Variants in KCNQ1 observed in about 807,000 individuals in gnomAD.
The protein encoded by KCNQ1 is potassium voltage-gated channel subfamily KQT member 1.
A neutral mutation model predicts 72.4 loss-of-function variants in KCNQ1; 49 were observed. The observed-to-expected ratio is 0.68, with a 90% confidence interval of 0.54 to 0.86. The LOEUF (loss-of-function observed/expected upper bound fraction) is 0.86. KCNQ1 is among the 40% of genes least tolerant of loss of function. KCNQ1 has a pLI of 0.00. For synonymous variants in KCNQ1, 450 were observed against 412.6 expected (o/e 1.09, Z -1.10); for missense variants, 790 against 945.1 (o/e 0.84, Z 2.15).
intron 15 of KCNQ1, among the ~76,000 whole-genome samples, chr11:2,790,486 C>G (rs541337992): frequency 6.6e-6 from 1 of 152,332 alleles, no homozygotes; most frequent in East Asian, 1.9e-4. Context: ...CCCATCCACA[C>G]CCAGCATCCA....
At chr11:2,455,780 C>G (rs963530302) in intron 1 of KCNQ1, among the ~76,000 whole-genome samples, 16 of 152,232 alleles carry the variant, frequency 1.1e-4, no homozygotes, top group Admixed American at 2.6e-4. Flanking sequence ...AGAGGCATCA[C>G]ATTACCTGAC....
rs1256647010 is a variant in KCNQ1 at position 2,471,495 on chromosome 11, C to A, written c.386+26011C>A. 6.6e-6 allele frequency among the ~76,000 whole-genome samples: 1 copy of A among 152,246 alleles called. No homozygotes were observed. Among genetic ancestry groups the A allele is most frequent in the Non-Finnish European group, 1.5e-5 (1 of 68,050 alleles). ...CCCACACACCACCAGGTCCCCAGGACTTGGAGGATGCTGATGGCCCAGCTC... is the reference window on the plus strand; with the variant it reads ...CCCACACACCACCAGGTCCCCAGGAATTGGAGGATGCTGATGGCCCAGCTC... On this transcript the variant is annotated intron_variant, in intron 1 of 15. Transcript: ENST00000155840. The surrounding 1 kb of genome is among the most constrained non-coding windows in gnomAD (Gnocchi z 4.8).
chr11:2,489,303 A>G (rs1351906542), intron 1 of KCNQ1, among the ~76,000 whole-genome samples: 7 of 152,192 alleles, frequency 4.6e-5, no homozygotes, highest in African/African-American at 1.7e-4. Flanking sequence ...TGCCACAGAA[A>G]GCAGAACCAG....
Position 2,698,963 on chromosome 11 carries a change from G to A in KCNQ1, c.1514+36882G>A. 2 of 398,580 alleles carry A rather than the reference G, an allele frequency of 5.0e-6. No homozygotes were observed. Among genetic ancestry groups the A allele is most frequent in the Non-Finnish European group, 8.8e-6 (2 of 226,068 alleles). The allele number at this position is 398,580 out of a possible 1,614,324, so 24.7% of individuals were successfully genotyped here. A position where few individuals can be genotyped will look rare whatever the true frequency, so the allele number is the denominator to read the frequency against. The stretch of plus-strand genomic sequence containing the variant: ...GATCCCAACTAGGATACCTAACTCA[G>A]AACCACAACGGGGATTCCCACCTCC... On this transcript the variant is annotated intron_variant, in intron 11 of 15. Transcript: ENST00000155840. The surrounding 1 kb of genome is among the most constrained non-coding windows in gnomAD (Gnocchi z 5.1).
chr11:2,547,194 C>G lies in KCNQ1; in HGVS notation c.477+19176C>G, dbSNP rs1339822077. ...TTCTTTACAATATGTGTATTATTTT[C>G]TTTTAAAAACATTTGGGTAATTAGG... On this transcript the variant is annotated intron_variant, in intron 2 of 15. Coordinates refer to ENST00000155840, the MANE Select transcript of KCNQ1 (RefSeq NM_000218.3). This position sits in a 1 kb window ranked among gnomAD's most constrained non-coding sequence, Gnocchi z 4.2. Among the ~76,000 whole-genome samples the G allele has an allele frequency of 6.6e-6, 1 of 152,100 alleles. No individual in the cohort carries two copies. Among genetic ancestry groups the G allele is most frequent in the Admixed American group, 6.5e-5 (1 of 15,278 alleles).
intron 15 of KCNQ1, among the ~76,000 whole-genome samples, chr11:2,806,853 G>A (rs1271149120): frequency 2.0e-5 from 3 of 152,166 alleles, no homozygotes; most frequent in Non-Finnish European, 2.9e-5. Context: ...CTTGCGTGCT[G>A]GCTCCGGTGA....
chr11:2,749,519 CCGAG>C (rs1846190128), intron 11 of KCNQ1, among the ~76,000 whole-genome samples: 1 of 151,970 alleles, frequency 6.6e-6, no homozygotes, highest in Non-Finnish European at 1.5e-5. Flanking sequence ...TTTAAAAGCA[CCGAG>C]GCTTGGCCGG....
Position 2,477,363 on chromosome 11 carries a change from C to G in KCNQ1, c.386+31879C>G, listed in dbSNP as rs919353843. Among the ~76,000 whole-genome samples the G allele has an allele frequency of 4.6e-5, 7 of 152,176 alleles. No homozygotes were observed. Among genetic ancestry groups the G allele is most frequent in the African/African-American group, 1.7e-4 (7 of 41,434 alleles). On this transcript the variant is annotated intron_variant, in intron 1 of 15. Coordinates refer to ENST00000155840, the MANE Select transcript of KCNQ1 (RefSeq NM_000218.3). The surrounding 1 kb of genome is among the most constrained non-coding windows in gnomAD (Gnocchi z 5.0). The stretch of plus-strand genomic sequence containing the variant: ...CATCAAAAAGTTTTTTCTGGAAAAG[C>G]CTCCAGCCCACGGTGACCTAGGTTC...
chr11:2,640,156 A>T (rs907412687), intron 10 of KCNQ1: 7 of 366,744 alleles, frequency 1.9e-5, no homozygotes, highest in Non-Finnish European at 3.4e-5. Context: ...TGTGCTTCCC[A>T]GGTGAGGCGA....
intron 2 of KCNQ1, among the ~76,000 whole-genome samples, chr11:2,548,440 C>A (rs1350552981): frequency 6.6e-6 from 1 of 152,172 alleles, no homozygotes. Context: ...GATTTCATAG[C>A]GAACAAAGAA....
chr11:2,760,089 A>G (rs957634763), intron 11 of KCNQ1, among the ~76,000 whole-genome samples: 1 of 152,178 alleles, frequency 6.6e-6, no homozygotes, highest in Admixed American at 6.5e-5. Flanking sequence ...ACGTGTGTTG[A>G]ATGTGGCGCT....
intron 1 of KCNQ1, among the ~76,000 whole-genome samples, chr11:2,467,961 G>A (rs574364730): frequency 2.0e-5 from 3 of 152,356 alleles, no homozygotes; most frequent in African/African-American, 7.2e-5. Flanking sequence ...CCCAGCGTGG[G>A]GACCTGCCCA....
At position 2,495,137 on chromosome 11, in the gene KCNQ1, T is replaced by C. The variant is rs1303969734; in HGVS notation, c.387-32791T>C. Among the ~76,000 whole-genome samples the C allele has an allele frequency of 6.6e-6, 1 of 152,224 alleles. No individual in the cohort carries two copies. The highest frequency in any genetic ancestry group is 2.4e-5 in the African/African-American group (1 of 41,466). On this transcript the variant is annotated intron_variant, in intron 1 of 15. Transcript: ENST00000155840. This position sits in a 1 kb window ranked among gnomAD's most constrained non-coding sequence, Gnocchi z 4.6. ...TAGTTTATTTGCATGGAGGTGTTTT[T>C]AGTATTCTCTGATGGTAGTTTGTAT...
At chr11:2,606,054 C>A (rs1054493938) in intron 10 of KCNQ1, among the ~76,000 whole-genome samples, 1 of 152,082 alleles carries the variant, frequency 6.6e-6, no homozygotes, top group East Asian at 1.9e-4. Context: ...TACATAAAAT[C>A]TACTATTTTA....
chr11:2,656,226 C>CT (rs1335085367), intron 10 of KCNQ1: 1 of 398,550 alleles, frequency 2.5e-6, no homozygotes, highest in East Asian at 3.6e-5. Flanking sequence ...AGTTTTAGCT[C>CT]TGTCACTTGA....
rs976246714 is a variant in KCNQ1 at position 2,720,415 on chromosome 11, C to T, written c.1515-48429C>T. 6.6e-6 allele frequency among the ~76,000 whole-genome samples: 1 copy of T among 152,144 alleles called. No homozygotes were observed. Among genetic ancestry groups the T allele is most frequent in the Non-Finnish European group, 1.5e-5 (1 of 68,030 alleles). Reference sequence around the variant, plus strand: ...AGCATGTGCTGGCCCTGCCTGGGGACAGCTGAAGGCCAGGAGGAAGCTGCT... The same window carrying T: ...AGCATGTGCTGGCCCTGCCTGGGGATAGCTGAAGGCCAGGAGGAAGCTGCT... On this transcript the variant is annotated intron_variant, in intron 11 of 15. Coordinates refer to ENST00000155840, the MANE Select transcript of KCNQ1 (RefSeq NM_000218.3). This position sits in a 1 kb window ranked among gnomAD's most constrained non-coding sequence, Gnocchi z 5.1.
At chr11:2,445,599 GGGAA>G in intron 1 of KCNQ1, 115 bp downstream of exon 1, 1 of 1,244,522 alleles carries the variant, frequency 8.0e-7, no homozygotes, top group Non-Finnish European at 1.1e-6. Context: ...GAGCAGAGGA[GGGAA>G]GGAAGTGGGG....
intron 11 of KCNQ1, chr11:2,680,712 C>A (rs1850382256): frequency 2.5e-6 from 1 of 398,368 alleles, no homozygotes; most frequent in Admixed American, 4.4e-5. Context: ...TTTATAGCTA[C>A]CCCCAATTCC....
Position 2,473,946 on chromosome 11 carries a change from T to A in KCNQ1, c.386+28462T>A, listed in dbSNP as rs746752597. Among the ~76,000 whole-genome samples the A allele has an allele frequency of 4.6e-4, 70 of 152,198 alleles. No homozygotes were observed. The highest frequency in any genetic ancestry group is 2.6e-3 in the Admixed American group (40 of 15,284). On this transcript the variant is annotated intron_variant, in intron 1 of 15. Coordinates refer to ENST00000155840, the MANE Select transcript of KCNQ1 (RefSeq NM_000218.3). The surrounding 1 kb of genome is among the most constrained non-coding windows in gnomAD (Gnocchi z 6.0). Reference sequence around the variant, plus strand: ...CTTCACCAAATCCGCAAAATAGGCCTGATGCCAGGAACGGGGCACTGCAGG... The same window carrying A: ...CTTCACCAAATCCGCAAAATAGGCCAGATGCCAGGAACGGGGCACTGCAGG...
Sources: gnomAD v4.1 joint callset for allele counts (sites outside exome capture counted in the v4.1 genomes callset) on GRCh38, gnomAD v4.1.1 for gene constraint, Gnocchi (gnomAD v3.1) non-coding constraint, MANE v1.5 for transcripts, NCBI Gene and HGNC (gene_info 2026-07-23, HGNC 2026-07-21) for gene names.